FNDC3B: variants seen among roughly 807,000 people sequenced by gnomAD.
The protein encoded by FNDC3B is fibronectin type III domain containing 3B.
Under a neutral mutation model 151.5 loss-of-function variants are expected in FNDC3B, and 12 were observed. That is an observed-to-expected ratio of 0.08 (90% CI 0.05 to 0.13). FNDC3B has a LOEUF of 0.13. FNDC3B is among the 10% of genes least tolerant of loss of function. The pLI is 1.00. For missense variants in FNDC3B, 1,214 were observed against 1,505.3 expected (o/e 0.81, Z 3.20); for synonymous variants, 528 against 549.0 (o/e 0.96, Z 0.54).
intron 11 of FNDC3B, among the ~76,000 whole-genome samples, chr3:172,314,342 G>T (rs964538129): frequency 1.8e-4 from 28 of 152,310 alleles, no homozygotes; most frequent in African/African-American, 6.7e-4. Flanking sequence ...GGTGCACAGA[G>T]ACACAAATCA....
chr3:172,353,962 G>GA (rs373524382), intron 22 of FNDC3B, among the ~76,000 whole-genome samples: 67,001 of 148,562 alleles, frequency 0.45, 15,778 homozygotes, highest in East Asian at 0.68. Flanking sequence ...TGATCTTGGG[G>GA]AAAAAAAAAA....
chr3:172,277,570 ACCAAGCATT>A (rs1729496361), intron 6 of FNDC3B, among the ~76,000 whole-genome samples: 2 of 152,210 alleles, frequency 1.3e-5, no homozygotes, highest in Admixed American at 1.3e-4. Context: ...TTGGGAGGGC[ACCAAGCATT>A]TAGTCCCTAA....
intron 4 of FNDC3B, among the ~76,000 whole-genome samples, chr3:172,230,575 CAA>C (rs995944862): frequency 3.3e-5 from 5 of 150,666 alleles, no homozygotes; most frequent in African/African-American, 7.3e-5. Flanking sequence ...TATGTACAAA[CAA>C]TATGTTTCAG....
intron 6 of FNDC3B, among the ~76,000 whole-genome samples, chr3:172,268,065 A>T (rs1576855808): frequency 6.6e-6 from 1 of 152,142 alleles, no homozygotes; most frequent in East Asian, 1.9e-4. Context: ...TGTATCTTAG[A>T]TTTCTTTTTT....
chr3:172,270,910 C>A (rs965936146), intron 6 of FNDC3B, among the ~76,000 whole-genome samples: 8 of 152,180 alleles, frequency 5.3e-5, no homozygotes, highest in Admixed American at 3.3e-4. Flanking sequence ...TGCTTGAATG[C>A]CAGTCTTGCA....
At chr3:172,313,188 C>A (rs1033180235) in intron 11 of FNDC3B, among the ~76,000 whole-genome samples, 1 of 152,116 alleles carries the variant, frequency 6.6e-6, no homozygotes, top group Non-Finnish European at 1.5e-5. Flanking sequence ...CACAGGAATC[C>A]TTTTACATTC....
chr3:172,117,615 T>G (rs2108548460), intron 2 of FNDC3B, among the ~76,000 whole-genome samples: 1 of 152,360 alleles, frequency 6.6e-6, no homozygotes, highest in South Asian at 2.1e-4. Context: ...AACGTGATAC[T>G]TATAAGGGTA....
At position 172,353,096 on chromosome 3, in the gene FNDC3B, G is replaced by T. The variant is rs780477250; in HGVS notation, c.2795+13G>T. ...AAACCACCTACCGGTGAGTGCAAGG[G>T]AGTAGAAATCTGCATCAGCACATCA... On this transcript the variant is annotated intron_variant, in intron 22 of 25. Transcript: ENST00000415807. 1.9e-6 allele frequency: 3 copies of T among 1,610,244 alleles called. No homozygotes were observed. Among genetic ancestry groups the T allele is most frequent in the Middle Eastern group, 1.7e-4 (1 of 6,040 alleles).
At chr3:172,172,658 T>G (rs73023558) in intron 3 of FNDC3B, among the ~76,000 whole-genome samples, 4,527 of 152,296 alleles carry the variant, frequency 0.03, 124 homozygotes, top group African/African-American at 0.07. Context: ...TCCCAGATTC[T>G]TTAAAAACCT....
intron 6 of FNDC3B, among the ~76,000 whole-genome samples, chr3:172,283,557 G>A (rs1391367804): frequency 1.3e-5 from 2 of 152,196 alleles, no homozygotes; most frequent in East Asian, 3.9e-4. Context: ...TAATCTAAAT[G>A]CCTTCTTCAT....
intron 22 of FNDC3B, among the ~76,000 whole-genome samples, chr3:172,354,665 T>C (rs1378700041): frequency 6.6e-6 from 1 of 151,982 alleles, no homozygotes; most frequent in East Asian, 1.9e-4. Flanking sequence ...GCAGTAATTA[T>C]AGTGAAATAC....
At chr3:172,073,659 C>T (rs1344939195) in intron 1 of FNDC3B, among the ~76,000 whole-genome samples, 1 of 152,122 alleles carries the variant, frequency 6.6e-6, no homozygotes, top group Non-Finnish European at 1.5e-5. Context: ...ATAAACTTCC[C>T]ATTTACACTT....
At chr3:172,364,423 G>C (rs982387176) in intron 23 of FNDC3B, among the ~76,000 whole-genome samples, 5 of 152,232 alleles carry the variant, frequency 3.3e-5, no homozygotes, top group Admixed American at 3.3e-4. Flanking sequence ...GTTGTTGAAA[G>C]TGGTAGCTAG....
chr3:172,220,090 C>T (rs1726201554), intron 3 of FNDC3B, among the ~76,000 whole-genome samples: 1 of 152,046 alleles, frequency 6.6e-6, no homozygotes, highest in South Asian at 2.1e-4. Flanking sequence ...TACAGTTTTC[C>T]ACAGTTTCTG....
chr3:172,383,175 G>A (rs1157279830), intron 25 of FNDC3B, among the ~76,000 whole-genome samples: 2 of 152,172 alleles, frequency 1.3e-5, no homozygotes, highest in Admixed American at 6.5e-5. Context: ...TCCCTGAAGA[G>A]GTCCTTCACA....
chr3:172,356,151 A>C (rs1443840214), intron 22 of FNDC3B, among the ~76,000 whole-genome samples: 1 of 152,234 alleles, frequency 6.6e-6, no homozygotes, highest in Non-Finnish European at 1.5e-5. Context: ...AGTGAATCAT[A>C]AATCATTTTG....
intron 4 of FNDC3B, among the ~76,000 whole-genome samples, chr3:172,240,252 C>T (rs1320780435): frequency 6.6e-6 from 1 of 152,144 alleles, no homozygotes; most frequent in Non-Finnish European, 1.5e-5. Flanking sequence ...CTTCCCTAAG[C>T]ATCATTCTTA....
intron 6 of FNDC3B, among the ~76,000 whole-genome samples, chr3:172,275,302 G>A (rs929409182): frequency 2.0e-5 from 3 of 152,026 alleles, no homozygotes; most frequent in Admixed American, 6.6e-5. Context: ...TTCATTCTGA[G>A]GGGGGGAAAT....
intron 2 of FNDC3B, among the ~76,000 whole-genome samples, chr3:172,125,370 G>T (rs1458137936): frequency 6.6e-6 from 1 of 151,802 alleles, no homozygotes; most frequent in Non-Finnish European, 1.5e-5. Flanking sequence ...CTTAGGGAAT[G>T]GTTCTTTTCT....
Sources: allele counts gnomAD v4.1 joint callset (sites outside exome capture counted in the v4.1 genomes callset), GRCh38; gene constraint gnomAD v4.1.1; transcripts MANE v1.5; gene names NCBI Gene and HGNC (gene_info 2026-07-23, HGNC 2026-07-21).